Variants in NAALADL2 observed in about 807,000 individuals in gnomAD.
NAALADL2 encodes inactive N-acetylated-alpha-linked acidic dipeptidase-like protein 2.
Under a neutral mutation model 87.2 loss-of-function variants are expected in NAALADL2, and 76 were observed. The ratio of observed to expected loss-of-function variants is 0.87; its 90% confidence interval spans 0.72 to 1.05. NAALADL2 has a LOEUF of 1.05. NAALADL2 is among the 50% of genes least tolerant of loss of function. The probability of loss-of-function intolerance (pLI) is 0.00; values close to 1 mark genes in which losing one functional copy is unlikely to be tolerated. For missense variants in NAALADL2, 1,089 were observed against 945.8 expected, an observed-to-expected ratio of 1.15 and a Z score of -1.99; for synonymous variants, 354 against 331.0, an observed-to-expected ratio of 1.07 and a Z score of -0.75.
At chr3:174,524,909 A>G (rs1720601579) in intron 1 of NAALADL2, among the ~76,000 whole-genome samples, 1 of 152,136 alleles carries the variant, frequency 6.6e-6, no homozygotes, top group Admixed American at 6.5e-5. Flanking sequence ...ACATTGTAGC[A>G]CAAAGCATTA....
At chr3:174,458,838 T>C (rs1236694731) in intron 1 of NAALADL2, among the ~76,000 whole-genome samples, 1 of 152,206 alleles carries the variant, frequency 6.6e-6, no homozygotes, top group Admixed American at 6.5e-5. Flanking sequence ...TAGCCTTTTA[T>C]TAGACTATAG....
intron 2 of NAALADL2, among the ~76,000 whole-genome samples, chr3:175,208,759 T>A (rs1481679244): frequency 1.3e-5 from 2 of 152,026 alleles, no homozygotes. Context: ...ATATGGAAAA[T>A]GGAGAAGCGC....
intron 7 of NAALADL2, 130 bp from the exon 8 acceptor site, chr3:175,466,849 G>T: frequency 2.7e-6 from 2 of 742,036 alleles, no homozygotes; most frequent in South Asian, 1.8e-5. Flanking sequence ...AAAAATTAAA[G>T]TAGTCTTAAT....
At chr3:175,427,962 T>C (rs1717099844) in intron 5 of NAALADL2, among the ~76,000 whole-genome samples, 2 of 152,150 alleles carry the variant, frequency 1.3e-5, no homozygotes, top group South Asian at 4.1e-4. Context: ...TCATCTGTGT[T>C]AATACAGAAC....
intron 9 of NAALADL2, among the ~76,000 whole-genome samples, chr3:175,479,948 A>G (rs953368350): frequency 3.3e-5 from 5 of 151,798 alleles, no homozygotes; most frequent in African/African-American, 4.8e-5. Context: ...AGCCTAAGGA[A>G]GAATTCTCAG....
chr3:174,896,621 C>T (rs1052103194), intron 1 of NAALADL2, among the ~76,000 whole-genome samples: 1 of 152,104 alleles, frequency 6.6e-6, no homozygotes, highest in Non-Finnish European at 1.5e-5. Flanking sequence ...AATGTGATCC[C>T]TATCAAAATA....
At chr3:174,663,685 T>C (rs769744242) in intron 2 of NAALADL2, among the ~76,000 whole-genome samples, 1 of 152,158 alleles carries the variant, frequency 6.6e-6, no homozygotes, top group Non-Finnish European at 1.5e-5. Flanking sequence ...GCCCCATCTT[T>C]AGCATTGGGG....
chr3:174,595,869 G>A (rs1356688395), intron 2 of NAALADL2, among the ~76,000 whole-genome samples: 1 of 152,092 alleles, frequency 6.6e-6, no homozygotes, highest in African/African-American at 2.4e-5. Context: ...AAAATTAGCT[G>A]GGTGTGGTGG....
chr3:174,688,937 A>G (rs971129663), intron 2 of NAALADL2, among the ~76,000 whole-genome samples: 5 of 152,038 alleles, frequency 3.3e-5, no homozygotes, highest in Non-Finnish European at 5.9e-5. Context: ...TAGCTGTTCA[A>G]TTTTGGTCAA....
At chr3:175,169,245 A>G (rs1734432303) in intron 2 of NAALADL2, among the ~76,000 whole-genome samples, 1 of 151,726 alleles carries the variant, frequency 6.6e-6, no homozygotes, top group Admixed American at 6.6e-5. Flanking sequence ...AGTTTACTAA[A>G]TACTTTTGGA....
chr3:175,365,775 G>A (rs534642317), intron 5 of NAALADL2, among the ~76,000 whole-genome samples: 3 of 147,360 alleles, frequency 2.0e-5, no homozygotes, highest in East Asian at 2.0e-4. Context: ...ATTTTCAATG[G>A]AATTTATAAT....
intron 1 of NAALADL2, among the ~76,000 whole-genome samples, chr3:174,909,199 G>C (rs1157697979): frequency 6.6e-6 from 1 of 152,046 alleles, no homozygotes; most frequent in Non-Finnish European, 1.5e-5. Flanking sequence ...TTCAAGACCA[G>C]CCTGGCCAAC....
At chr3:174,923,248 G>A (rs1436187673) in intron 1 of NAALADL2, among the ~76,000 whole-genome samples, 2 of 152,124 alleles carry the variant, frequency 1.3e-5, no homozygotes, top group African/African-American at 4.8e-5. Flanking sequence ...GTAGTTAGTA[G>A]CTCCTGAGGG....
chr3:174,939,909 A>C (rs1478536467), intron 1 of NAALADL2, among the ~76,000 whole-genome samples: 1 of 152,106 alleles, frequency 6.6e-6, no homozygotes, highest in Non-Finnish European at 1.5e-5. Flanking sequence ...TTTTGTCCCA[A>C]GACTATGAGG....
At chr3:174,811,476 G>C (rs1417973396) in intron 3 of NAALADL2, among the ~76,000 whole-genome samples, 6 of 152,176 alleles carry the variant, frequency 3.9e-5, no homozygotes, top group African/African-American at 7.2e-5. Flanking sequence ...TGACTACCCT[G>C]CTGGGTTTGC....
At chr3:175,356,658 T>C (rs1033828475) in intron 5 of NAALADL2, among the ~76,000 whole-genome samples, 13 of 150,304 alleles carry the variant, frequency 8.6e-5, no homozygotes, top group Admixed American at 7.3e-4. Flanking sequence ...GAGAGAAACA[T>C]AAGGAGCCAT....
intron 1 of NAALADL2, among the ~76,000 whole-genome samples, chr3:175,055,077 A>G (rs1443278812): frequency 2.0e-5 from 3 of 152,218 alleles, no homozygotes; most frequent in Non-Finnish European, 4.4e-5. Context: ...GTCCTCCTGT[A>G]TCTACCAAAC....
chr3:174,862,559 A>G (rs1004167256), intron 1 of NAALADL2, among the ~76,000 whole-genome samples: 1 of 152,168 alleles, frequency 6.6e-6, no homozygotes, highest in South Asian at 2.1e-4. Context: ...TCACCTGCTG[A>G]GCTCCTGCTA....
chr3:175,485,197 C>T (rs1727071267), intron 9 of NAALADL2, among the ~76,000 whole-genome samples: 1 of 152,022 alleles, frequency 6.6e-6, no homozygotes, highest in African/African-American at 2.4e-5. Context: ...TGTGTTTCCA[C>T]AAAATTCAAA....
Sources: gnomAD v4.1 joint callset for allele counts (sites outside exome capture counted in the v4.1 genomes callset) on GRCh38, gnomAD v4.1.1 for gene constraint, MANE v1.5 for transcripts, NCBI Gene and HGNC (gene_info 2026-07-23, HGNC 2026-07-21) for gene names.